Variants in UBE2Z observed in about 807,000 individuals in gnomAD.
UBE2Z encodes ubiquitin conjugating enzyme E2 Z.
In UBE2Z, 10 loss-of-function variants were observed where a neutral mutation model predicts 32.6. The observed-to-expected ratio is 0.31, with a 90% CI of 0.19 to 0.52. UBE2Z has a LOEUF of 0.52. UBE2Z is among the 20% of genes least tolerant of loss of function. UBE2Z has a pLI of 0.97. For synonymous variants in UBE2Z, 183 were observed against 190.8 expected (o/e 0.96, Z 0.34); for missense variants, 343 against 480.9 (o/e 0.71, Z 2.68).
rs939496868 is a variant in UBE2Z at position 48,923,110 on chromosome 17, G to A, written c.894+173G>A. The A allele has an allele frequency of 1.7e-4, 79 of 475,958 alleles. 2 individuals carry two copies. Among genetic ancestry groups the A allele is most frequent in the South Asian group, 5.7e-4 (20 of 35,314 alleles). The allele number at this position is 475,958 out of a possible 1,614,324, so 29.5% of individuals were successfully genotyped here. On this transcript the variant is annotated intron_variant, in intron 6 of 6. Transcript: ENST00000360943. ...GCCAAGGCGGGCGGATCACGAGGTCGGGAAATTGAGACCATCCTGGCTAAC... is the reference window on the plus strand; with the variant it reads ...GCCAAGGCGGGCGGATCACGAGGTCAGGAAATTGAGACCATCCTGGCTAAC...
At chr17:48,914,557 G>A (rs2040705915) in intron 3 of UBE2Z, among the ~76,000 whole-genome samples, 1 of 152,186 alleles carries the variant, frequency 6.6e-6, no homozygotes, top group Non-Finnish European at 1.5e-5. Flanking sequence ...CGTTGCTTCT[G>A]TATGAAATTT....
chr17:48,916,215 G>A (rs1311783352), intron 4 of UBE2Z, 28 bp downstream of exon 4: 10 of 1,360,340 alleles, frequency 7.4e-6, no homozygotes, highest in Non-Finnish European at 9.9e-6. Context: ...TGGCTCTGGG[G>A]TGTAGACTAT....
chr17:48,909,547 C>A (rs1030402729), intron 1 of UBE2Z, among the ~76,000 whole-genome samples: 2 of 113,750 alleles, frequency 1.8e-5, no homozygotes, highest in East Asian at 6.6e-4. Flanking sequence ...TCCCTCCCCC[C>A]ACCCCCCACC....
chr17:48,918,823 T>A (rs1480296940), intron 4 of UBE2Z, among the ~76,000 whole-genome samples: 1 of 148,592 alleles, frequency 6.7e-6, no homozygotes, highest in East Asian at 2.1e-4. Flanking sequence ...CTCAGCTCAC[T>A]GCAACCTCTG....
Position 48,921,286 on chromosome 17 carries a change from G to T in UBE2Z, c.803+14G>T, listed in dbSNP as rs534490426. 48 of 1,595,400 alleles carry T rather than the reference G, an allele frequency of 3.0e-5. No homozygotes were observed. The South Asian group carries it at 5.0e-4, about 17-fold the overall frequency. ...TGAACCCCTACGGTATGTGTCAAGCGGGCTTGCTTGGTATTCCTTTCGGGC... is the reference window on the plus strand; with the variant it reads ...TGAACCCCTACGGTATGTGTCAAGCTGGCTTGCTTGGTATTCCTTTCGGGC... On this transcript the variant is annotated intron_variant, in intron 5 of 6. Coordinates refer to ENST00000360943, the MANE Select transcript of UBE2Z (RefSeq NM_023079.5).
chr17:48,927,191 C>A lies in UBE2Z; in HGVS notation c.*57C>A. On this transcript the variant is annotated 3_prime_UTR_variant, in exon 7 of 7. Coordinates refer to ENST00000360943, the MANE Select transcript of UBE2Z (RefSeq NM_023079.5). ...AGAGTCCCAGCAGAATCCCTTCCCC[C>A]CACCCCAGGGATGGAGAGGCACTGT... 5 of 1,567,626 alleles carry A rather than the reference C, an allele frequency of 3.2e-6. No individual in the cohort carries two copies. The highest frequency in any genetic ancestry group is 4.4e-6 in the Non-Finnish European group (5 of 1,146,986).
chr17:48,910,756 C>T lies in UBE2Z; in HGVS notation c.318-52C>T, dbSNP rs1424016860. The T allele has an allele frequency of 1.3e-5, 18 of 1,404,334 alleles. 1 individual carries two copies. Among genetic ancestry groups the T allele is most frequent in the Non-Finnish European group, 1.7e-5 (17 of 989,250 alleles). The allele number at this position is 1,404,334 out of a possible 1,614,324, so 87.0% of individuals were successfully genotyped here. On this transcript the variant is annotated intron_variant, in intron 1 of 6. Transcript: ENST00000360943. ...CAACTGTCCTGCTCAAGGGATTCCC[C>T]CTTTCCCCCTCTTCCTCACTCCTTC...
Position 48,910,814 on chromosome 17 carries a change from C to A in UBE2Z, c.324C>A (p.Ile108=). ...TCCTCTTGGTGTTATACAGGGATAT[C>A]ATGTCCATTTATAAGGAGCCTCCTC... ...PQCLLRIKRD[I]MSIYKEPPPG... The change falls in exon 2 of 7, where the codon ATC becomes ATA. Residue 108 remains isoleucine (I), a synonymous_variant. Transcript: ENST00000360943. 1 of 1,612,580 alleles carries A rather than the reference C, an allele frequency of 6.2e-7. No homozygotes were observed. Among genetic ancestry groups the A allele is most frequent in the African/African-American group, 1.3e-5 (1 of 74,958 alleles).
intron 1 of UBE2Z, chr17:48,909,030 G>T (rs867005065): frequency 3.1e-5 from 6 of 194,398 alleles, no homozygotes; most frequent in African/African-American, 2.8e-4. Flanking sequence ...CCCCCGCCTC[G>T]TGTGCCCAGA....
intron 5 of UBE2Z, among the ~76,000 whole-genome samples, chr17:48,922,326 G>T (rs897588671): frequency 1.3e-5 from 2 of 151,866 alleles, no homozygotes; most frequent in Non-Finnish European, 2.9e-5. Flanking sequence ...GGCGGAGGTT[G>T]CAGTGAGCCG....
intron 4 of UBE2Z, among the ~76,000 whole-genome samples, chr17:48,918,731 A>G (rs2040738023): frequency 7.1e-6 from 1 of 140,960 alleles, no homozygotes; most frequent in Non-Finnish European, 1.5e-5. Context: ...GCAGGAGCTG[A>G]TTTTTAGGTC....
chr17:48,916,258 GTT>G (rs371253123), intron 4 of UBE2Z, 71 bp downstream of exon 4: 1,110 of 416,326 alleles, frequency 2.7e-3, no homozygotes, highest in South Asian at 4.8e-3. Context: ...TGGTTTTTTT[GTT>G]TTTTTTTTTT....
rs765626889 is a variant in UBE2Z at position 48,922,910 on chromosome 17, C to G, written c.867C>G (p.Arg289=). The stretch of plus-strand genomic sequence containing the variant: ...TCTACGAGGTGGCCTGCAAAGATCG[C>G]CTGCACCTTCAAGGCCAAACTATGC... ...YDFYEVACKD[R]LHLQGQTMQD... The change falls in exon 6 of 7, where the codon CGC becomes CGG. Residue 289 remains arginine, a synonymous_variant. Coordinates refer to ENST00000360943, the MANE Select transcript of UBE2Z (RefSeq NM_023079.5). 6.2e-7 allele frequency: 1 copy of G among 1,612,630 alleles called. No individual in the cohort carries two copies. Among genetic ancestry groups the G allele is most frequent in the South Asian group, 1.1e-5 (1 of 90,870 alleles).
At chr17:48,909,146 C>T (rs2040654943) in intron 1 of UBE2Z, among the ~76,000 whole-genome samples, 2 of 149,314 alleles carry the variant, frequency 1.3e-5, no homozygotes, top group South Asian at 4.3e-4. Context: ...TTTAGCGCTT[C>T]AGTAACGCCC....
intron 1 of UBE2Z, among the ~76,000 whole-genome samples, chr17:48,909,508 T>G (rs554859558): frequency 6.7e-6 from 1 of 149,496 alleles, no homozygotes; most frequent in African/African-American, 2.5e-5. Flanking sequence ...GATTGTAATA[T>G]CCCACTCAGG....
chr17:48,912,688 GATGTTCCTTCTGC>G (rs1236704031), intron 2 of UBE2Z, 133 bp from the exon 3 acceptor site: 1 of 800,182 alleles, frequency 1.2e-6, no homozygotes, highest in African/African-American at 1.7e-5. Flanking sequence ...GTGAATACAG[GATGTTCCTTCTGC>G]ATGGTGAGGA....
intron 1 of UBE2Z, among the ~76,000 whole-genome samples, chr17:48,909,970 T>G (rs951770197): frequency 6.6e-6 from 1 of 152,192 alleles, no homozygotes; most frequent in East Asian, 1.9e-4. Context: ...AGCACTCAAC[T>G]CTTTTCCTCC....
chr17:48,923,358 C>T (rs1263998000), intron 6 of UBE2Z, among the ~76,000 whole-genome samples: 28 of 147,254 alleles, frequency 1.9e-4, no homozygotes, highest in African/African-American at 6.1e-4. Flanking sequence ...TAGCCAGGCG[C>T]GGTGGCTCAC....
intron 6 of UBE2Z, among the ~76,000 whole-genome samples, chr17:48,924,536 G>T (rs1014955732): frequency 2.6e-5 from 4 of 151,166 alleles, no homozygotes; most frequent in African/African-American, 9.7e-5. Flanking sequence ...AAGGAAGGAG[G>T]CTATCATTGA....
Sources: gnomAD v4.1 joint callset for allele counts (sites outside exome capture counted in the v4.1 genomes callset) on GRCh38, gnomAD v4.1.1 for gene constraint, MANE v1.5 for transcripts, NCBI Gene and HGNC (gene_info 2026-07-23, HGNC 2026-07-21) for gene names.